The following CRK variants were observed in gnomAD, a reference collection of about 807,000 sequenced individuals.
CRK encodes CRK proto-oncogene, adaptor protein.
CRK carries 4 observed loss-of-function variants against 29.8 expected under a neutral mutation model. The observed-to-expected ratio is 0.13, with a 90% confidence interval of 0.07 to 0.31. The LOEUF (loss-of-function observed/expected upper bound fraction) is 0.31, where lower values mean the gene tolerates loss of function less well. Ranked by LOEUF, CRK falls within the 10% of genes least tolerant of loss-of-function variation. The probability of loss-of-function intolerance (pLI) is 1.00; values close to 1 mark genes in which losing one functional copy is unlikely to be tolerated. For synonymous variants in CRK, 153 were observed against 164.9 expected (o/e 0.93, Z 0.55); for missense variants, 274 against 396.5 (o/e 0.69, Z 2.62).
chr17:1,454,740 A>C (rs1028111975), intron 1 of CRK, among the ~76,000 whole-genome samples: 1 of 152,042 alleles, frequency 6.6e-6, no homozygotes, highest in Admixed American at 6.6e-5. Flanking sequence ...AGGCACGAGG[A>C]CTCCTGATGC....
chr17:1,451,010 G>A (rs897764457), intron 1 of CRK, among the ~76,000 whole-genome samples: 21 of 151,600 alleles, frequency 1.4e-4, no homozygotes, highest in Non-Finnish European at 1.5e-4. Flanking sequence ...GGCTAACACG[G>A]TGAAACCCCA....
chr17:1,453,810 G>A (rs1465677488), intron 1 of CRK, among the ~76,000 whole-genome samples: 1 of 152,216 alleles, frequency 6.6e-6, no homozygotes, highest in Non-Finnish European at 1.5e-5. Flanking sequence ...GGGAGGCTGA[G>A]ACAGGAGAAT....
intron 2 of CRK, among the ~76,000 whole-genome samples, chr17:1,429,690 C>A (rs1598294552): frequency 6.6e-6 from 1 of 151,694 alleles, no homozygotes; most frequent in Non-Finnish European, 1.5e-5. Flanking sequence ...CTTTGTGAGG[C>A]CCGAGCAGGA....
At chr17:1,447,560 C>T (rs1196158499) in intron 1 of CRK, among the ~76,000 whole-genome samples, 1 of 151,042 alleles carries the variant, frequency 6.6e-6, no homozygotes, top group East Asian at 1.9e-4. Context: ...GACGGGTCTA[C>T]AAGAGCGGGC....
At chr17:1,433,485 A>G (rs891996258) in intron 2 of CRK, among the ~76,000 whole-genome samples, 6 of 138,592 alleles carry the variant, frequency 4.3e-5, no homozygotes, top group Non-Finnish European at 9.3e-5. Context: ...AGCTGAGACC[A>G]CAGGTGCACA....
chr17:1,422,106 G>T lies in CRK; in HGVS notation c.*1407C>A, dbSNP rs2073731103. 2 of 150,620 alleles carry T rather than the reference G, an allele frequency of 1.3e-5. No individual in the cohort carries two copies. Among genetic ancestry groups the T allele is most frequent in the Non-Finnish European group, 3.0e-5 (2 of 67,794 alleles). 9.3% of individuals were successfully genotyped at this position (150,620 alleles called of 1,614,324 possible). On this transcript the variant is annotated 3_prime_UTR_variant, in exon 3 of 3. Transcript: ENST00000300574. ...TTCAACAGCATTACTCTCCCCATGAGAAATGAATAATACATAAGTAATTCA... is the reference window on the plus strand; with the variant it reads ...TTCAACAGCATTACTCTCCCCATGATAAATGAATAATACATAAGTAATTCA...
chr17:1,430,171 C>T (rs977051191), intron 2 of CRK, among the ~76,000 whole-genome samples: 7 of 149,276 alleles, frequency 4.7e-5, no homozygotes, highest in Admixed American at 2.7e-4. Flanking sequence ...CAGCCTCCCA[C>T]GTAGTTGGGA....
At chr17:1,438,072 A>AT (rs1555653386) in intron 1 of CRK, among the ~76,000 whole-genome samples, 3 of 151,756 alleles carry the variant, frequency 2.0e-5, no homozygotes, top group Non-Finnish European at 2.9e-5. Flanking sequence ...GAGCTCACAC[A>AT]TTTTTTCTCT....
At chr17:1,437,934 G>A (rs1349928974) in intron 1 of CRK, among the ~76,000 whole-genome samples, 1 of 151,372 alleles carries the variant, frequency 6.6e-6, no homozygotes, top group Non-Finnish European at 1.5e-5. Flanking sequence ...CCAAAGTGCT[G>A]GGATTACAGG....
chr17:1,423,786 C>G, intron 2 of CRK, 136 bp from the exon 3 acceptor site: 1 of 1,003,934 alleles, frequency 1.0e-6, no homozygotes, highest in South Asian at 1.8e-5. Flanking sequence ...TGCTGCCTCC[C>G]CAGCCCCAGC....
At chr17:1,430,522 A>G (rs768861335) in intron 2 of CRK, among the ~76,000 whole-genome samples, 14 of 146,356 alleles carry the variant, frequency 9.6e-5, no homozygotes, top group Non-Finnish European at 7.4e-5. Flanking sequence ...ACGTCCGGCT[A>G]ATTTTTTGTA....
chr17:1,442,165 T>C (rs2073940349), intron 1 of CRK, among the ~76,000 whole-genome samples: 1 of 151,504 alleles, frequency 6.6e-6, no homozygotes, highest in African/African-American at 2.4e-5. Context: ...CCTGTTTTTT[T>C]TTTTTTTGAG....
intron 1 of CRK, among the ~76,000 whole-genome samples, chr17:1,442,342 G>A (rs1031632835): frequency 6.6e-6 from 1 of 151,696 alleles, no homozygotes; most frequent in Non-Finnish European, 1.5e-5. Context: ...TGTGGAGATG[G>A]GGTTTTGCTA....
intron 2 of CRK, among the ~76,000 whole-genome samples, chr17:1,436,197 C>A (rs935175517): frequency 3.3e-5 from 5 of 152,064 alleles, no homozygotes; most frequent in African/African-American, 1.2e-4. Flanking sequence ...GAAGCAAAAA[C>A]AAGTTTTTGC....
At chr17:1,449,918 G>A (rs1055206724) in intron 1 of CRK, among the ~76,000 whole-genome samples, 1 of 152,194 alleles carries the variant, frequency 6.6e-6, no homozygotes. Flanking sequence ...ATAATACCCA[G>A]CTGCGCACGG....
chr17:1,425,251 A>G (rs925471150), intron 2 of CRK, among the ~76,000 whole-genome samples: 12 of 151,512 alleles, frequency 7.9e-5, no homozygotes, highest in South Asian at 6.3e-4. Flanking sequence ...CACCACGCCC[A>G]GCTAATTTTT....
intron 1 of CRK, among the ~76,000 whole-genome samples, chr17:1,446,054 C>T (rs59343110): frequency 0.073 from 11,144 of 152,122 alleles, 474 homozygotes; most frequent in East Asian, 0.099. Flanking sequence ...TGAGCCACCG[C>T]GCCCAGCCAG....
chr17:1,437,306 A>C, intron 1 of CRK, 151 bp from the exon 2 acceptor site: 1 of 783,860 alleles, frequency 1.3e-6, no homozygotes, highest in Non-Finnish European at 1.9e-6. Context: ...CTCACCACAA[A>C]CTCCTGAGTA....
intron 2 of CRK, among the ~76,000 whole-genome samples, chr17:1,434,792 C>CAAAAAAAAAAAAAAAA (rs376877954): frequency 8.0e-6 from 1 of 124,750 alleles, no homozygotes. Flanking sequence ...CAAAAAGAAC[C>CAAAAAAAAAAAAAAAA]AAAAAAAAAA....
Sources: allele counts gnomAD v4.1 joint callset (sites outside exome capture counted in the v4.1 genomes callset), GRCh38; gene constraint gnomAD v4.1.1; transcripts MANE v1.5; gene names NCBI Gene and HGNC (gene_info 2026-07-23, HGNC 2026-07-21).